GABRA2: variants seen among roughly 807,000 people sequenced by gnomAD.
GABRA2 encodes the protein gamma-aminobutyric acid type A receptor subunit alpha2.
A neutral mutation model predicts 48.7 loss-of-function variants in GABRA2; 16 were observed. The ratio of observed to expected loss-of-function variants is 0.33; its 90% CI spans 0.22 to 0.50. GABRA2 has a LOEUF of 0.50. Among genes scored for constraint, GABRA2 ranks in the 20% least tolerant of loss-of-function variants. GABRA2 has a pLI of 0.98. For synonymous variants in GABRA2, 185 were observed against 184.5 expected (o/e 1.00, Z -0.02); for missense variants, 275 against 535.6 (o/e 0.51, Z 4.80).
chr4:46,347,298 A>G (rs183427319), intron 3 of GABRA2, among the ~76,000 whole-genome samples: 1 of 152,068 alleles, frequency 6.6e-6, no homozygotes, highest in Admixed American at 6.6e-5. Context: ...AATTTTAAGC[A>G]AAAGAAAGAA....
chr4:46,378,134 G>T (rs1236342349), intron 3 of GABRA2, among the ~76,000 whole-genome samples: 3 of 150,428 alleles, frequency 2.0e-5, no homozygotes, highest in Non-Finnish European at 4.4e-5. Flanking sequence ...CCCTCTGCCC[G>T]GCCACCACCC....
intron 8 of GABRA2, among the ~76,000 whole-genome samples, chr4:46,285,026 CA>C (rs201301399): frequency 0.071 from 8,415 of 118,340 alleles, 671 homozygotes; most frequent in African/African-American, 0.23. Context: ...TGCTCACCCT[CA>C]AAAAAAAAAA....
At chr4:46,381,670 A>C (rs1216034472) in intron 3 of GABRA2, among the ~76,000 whole-genome samples, 2 of 152,218 alleles carry the variant, frequency 1.3e-5, no homozygotes, top group Non-Finnish European at 2.9e-5. Context: ...AGATATAAAT[A>C]GAATCAGTGG....
intron 4 of GABRA2, among the ~76,000 whole-genome samples, chr4:46,325,129 T>C (rs563345564): frequency 6.6e-6 from 1 of 152,126 alleles, no homozygotes; most frequent in South Asian, 2.1e-4. Flanking sequence ...CTGGGTCATA[T>C]AGTAGTTCTG....
Position 46,330,589 on chromosome 4 carries a change from T to TAGAGAGAGAGAG in GABRA2, c.255+2025_255+2026insCTCTCTCTCTCT, listed in dbSNP as rs1322712224. Among the ~76,000 whole-genome samples the TAGAGAGAGAGAG allele has an allele frequency of 7.9e-4, 99 of 124,660 alleles. No individual in the cohort carries two copies. In the East Asian group the frequency reaches 0.015, roughly 19 times the overall value. The allele number at this position is 124,660 out of a possible 152,430, so 81.8% of individuals were successfully genotyped here. On this transcript the variant is annotated intron_variant, in intron 4 of 9. Transcript: ENST00000381620. ...ATATATATATATATATATATATATA[T>TAGAGAGAGAGAG]ATAGAGAGAGAGAGAGAGAGATGTT...
chr4:46,297,161 G>A (rs1324401041), intron 8 of GABRA2, among the ~76,000 whole-genome samples: 2 of 151,978 alleles, frequency 1.3e-5, no homozygotes, highest in African/African-American at 4.8e-5. Flanking sequence ...TGTCCGTTAG[G>A]GTGTTGCCAA....
intron 2 of GABRA2, 109 bp from the exon 3 acceptor site, chr4:46,386,298 C>T: frequency 1.6e-6 from 1 of 632,308 alleles, no homozygotes; most frequent in East Asian, 3.2e-5. Flanking sequence ...GCTATTAGTA[C>T]CACCCGTTTT....
chr4:46,286,366 T>A (rs1722540848), intron 8 of GABRA2, among the ~76,000 whole-genome samples: 1 of 152,130 alleles, frequency 6.6e-6, no homozygotes, highest in Non-Finnish European at 1.5e-5. Flanking sequence ...AAATTTGGAT[T>A]GTTTCCACCT....
intron 8 of GABRA2, among the ~76,000 whole-genome samples, chr4:46,262,700 C>A (rs1717220376): frequency 6.6e-6 from 1 of 152,098 alleles, no homozygotes; most frequent in South Asian, 2.1e-4. Context: ...GAGTTCAAGA[C>A]CAGCCTGGCC....
chr4:46,316,087 C>T (rs1728511404), intron 4 of GABRA2, among the ~76,000 whole-genome samples: 1 of 151,710 alleles, frequency 6.6e-6, no homozygotes, highest in South Asian at 2.1e-4. Context: ...TATATCTAGC[C>T]CTTTGATTCA....
intron 4 of GABRA2, among the ~76,000 whole-genome samples, chr4:46,332,014 C>T (rs529257425): frequency 7.9e-5 from 12 of 152,292 alleles, no homozygotes; most frequent in African/African-American, 2.9e-4. Flanking sequence ...TGAGCCACCA[C>T]ACCAGGCCTG....
At chr4:46,347,821 G>A (rs1195297247) in intron 3 of GABRA2, among the ~76,000 whole-genome samples, 1 of 151,804 alleles carries the variant, frequency 6.6e-6, no homozygotes, top group Non-Finnish European at 1.5e-5. Flanking sequence ...CACAGACTGG[G>A]AGAAAATATT....
intron 3 of GABRA2, among the ~76,000 whole-genome samples, chr4:46,380,207 G>T (rs1716572917): frequency 6.6e-6 from 1 of 152,106 alleles, no homozygotes; most frequent in South Asian, 2.1e-4. Flanking sequence ...ATCTTGAATT[G>T]ATGGTGCCAA....
rs1033188062 is a variant in GABRA2 at position 46,249,839 on chromosome 4, G to C, written c.*469C>G. On this transcript the variant is annotated 3_prime_UTR_variant, in exon 10 of 10. Coordinates refer to ENST00000381620, the MANE Select transcript of GABRA2 (RefSeq NM_000807.4). ...CCAAGCTTCCAATTACATTAGCAGG[G>C]ACTCTGAGCACTCATGAACAGAGCT... 1.3e-5 allele frequency: 2 copies of C among 154,880 alleles called. No homozygotes were observed. The highest frequency in any genetic ancestry group is 4.8e-5 in the African/African-American group (2 of 41,344). The allele number at this position is 154,880 out of a possible 1,614,324, so 9.6% of individuals were successfully genotyped here. A position where few individuals can be genotyped will look rare whatever the true frequency, so the allele number is the denominator to read the frequency against.
At chr4:46,361,248 T>C (rs1436062738) in intron 3 of GABRA2, among the ~76,000 whole-genome samples, 1 of 152,106 alleles carries the variant, frequency 6.6e-6, no homozygotes, top group Non-Finnish European at 1.5e-5. Flanking sequence ...CTGGAAGTTT[T>C]AGCAGGAAAA....
At chr4:46,368,787 T>C (rs535887071) in intron 3 of GABRA2, 5 of 420,162 alleles carry the variant, frequency 1.2e-5, no homozygotes, top group African/African-American at 8.1e-5. Context: ...TGAAAAATAA[T>C]TGGAATATCT....
chr4:46,283,813 G>C (rs1016521026), intron 8 of GABRA2, among the ~76,000 whole-genome samples: 2 of 152,212 alleles, frequency 1.3e-5, no homozygotes, highest in African/African-American at 2.4e-5. Flanking sequence ...AGGCCGGAGT[G>C]CAGTGGCATG....
At chr4:46,299,700 A>G (rs1453046641) in intron 8 of GABRA2, among the ~76,000 whole-genome samples, 1 of 147,032 alleles carries the variant, frequency 6.8e-6, no homozygotes, top group Non-Finnish European at 1.5e-5. Context: ...TTGTCTACCC[A>G]ACCACATTAC....
At chr4:46,290,996 G>T (rs1723514273) in intron 8 of GABRA2, among the ~76,000 whole-genome samples, 1 of 151,984 alleles carries the variant, frequency 6.6e-6, no homozygotes, top group Non-Finnish European at 1.5e-5. Context: ...CTTGTGTTTT[G>T]TTAAGGAATT....
Sources: gnomAD v4.1 joint callset for allele counts (sites outside exome capture counted in the v4.1 genomes callset) on GRCh38, gnomAD v4.1.1 for gene constraint, MANE v1.5 for transcripts, NCBI Gene and HGNC (gene_info 2026-07-23, HGNC 2026-07-21) for gene names.